Variants in DOCK2 observed in about 807,000 individuals in gnomAD.
DOCK2 encodes the protein dedicator of cytokinesis 2.
Under a neutral mutation model 248.9 loss-of-function variants are expected in DOCK2, and 87 were observed. The ratio of observed to expected loss-of-function variants is 0.35; its 90% CI spans 0.29 to 0.42. The LOEUF is 0.42. Ranked by LOEUF, DOCK2 falls within the 10% of genes least tolerant of loss-of-function variation. The probability of loss-of-function intolerance (pLI) is 1.00; values close to 1 mark genes in which losing one functional copy is unlikely to be tolerated. For synonymous variants in DOCK2, 805 were observed against 821.6 expected (o/e 0.98, Z 0.35); for missense variants, 1,747 against 2,300.2 (o/e 0.76, Z 4.92).
At chr5:169,699,157 A>G (rs1387375782) in intron 11 of DOCK2, among the ~76,000 whole-genome samples, 1 of 152,216 alleles carries the variant, frequency 6.6e-6, no homozygotes, top group Non-Finnish European at 1.5e-5. Context: ...CCTGGAGAAT[A>G]AGAAATGGCC....
intron 26 of DOCK2, among the ~76,000 whole-genome samples, chr5:169,815,339 C>T (rs937061663): frequency 4.6e-5 from 7 of 152,350 alleles, no homozygotes; most frequent in African/African-American, 1.4e-4. Context: ...TCTGTTCCAT[C>T]AGCATCAGCT....
At chr5:170,054,874 C>A (rs1029324952) in intron 41 of DOCK2, among the ~76,000 whole-genome samples, 2 of 152,126 alleles carry the variant, frequency 1.3e-5, no homozygotes, top group East Asian at 1.9e-4. Flanking sequence ...AGTTGTGTGA[C>A]CTTCAACAAG....
At chr5:169,734,768 G>T (rs1017673651) in intron 22 of DOCK2, among the ~76,000 whole-genome samples, 21 of 152,070 alleles carry the variant, frequency 1.4e-4, no homozygotes, top group African/African-American at 4.3e-4. Context: ...CCTCTATTTT[G>T]AAGAAGATGC....
intron 33 of DOCK2, 72 bp downstream of exon 33, chr5:170,019,180 A>G (rs1755638350): frequency 3.1e-6 from 5 of 1,603,786 alleles, no homozygotes; most frequent in Non-Finnish European, 8.5e-7. Context: ...TGATATCCTC[A>G]TTCCATCTCC....
intron 32 of DOCK2, among the ~76,000 whole-genome samples, chr5:170,012,417 G>A (rs1755334624): frequency 6.6e-6 from 1 of 152,192 alleles, no homozygotes; most frequent in Non-Finnish European, 1.5e-5. Flanking sequence ...AAGGCCAGAA[G>A]CAATCAGGGC....
chr5:170,082,725 T>G (rs1420639426), intron 51 of DOCK2, 71 bp from the exon 52 acceptor site: 5 of 1,583,272 alleles, frequency 3.2e-6, no homozygotes, highest in Non-Finnish European at 4.3e-6. Context: ...TGATTAGGAC[T>G]GGGAAGCTCC....
intron 25 of DOCK2, among the ~76,000 whole-genome samples, chr5:169,793,555 G>T (rs1373014276): frequency 6.6e-6 from 1 of 152,140 alleles, no homozygotes; most frequent in Non-Finnish European, 1.5e-5. Context: ...CTGGTAGACA[G>T]TCAGGGTGCA....
At chr5:170,044,916 C>T (rs899373891) in intron 38 of DOCK2, among the ~76,000 whole-genome samples, 1 of 152,080 alleles carries the variant, frequency 6.6e-6, no homozygotes, top group African/African-American at 2.4e-5. Flanking sequence ...GCCTCCGGTC[C>T]ACCCTGCATC....
chr5:169,850,152 T>C (rs1310510580), intron 27 of DOCK2, among the ~76,000 whole-genome samples: 5 of 152,164 alleles, frequency 3.3e-5, no homozygotes, highest in Non-Finnish European at 7.4e-5. Flanking sequence ...CAGTTCACAT[T>C]TATGGACCGT....
chr5:170,071,808 C>T (rs1002211743), intron 46 of DOCK2, among the ~76,000 whole-genome samples: 10 of 152,196 alleles, frequency 6.6e-5, no homozygotes, highest in African/African-American at 2.4e-4. Flanking sequence ...CATTCTTAAA[C>T]ACTATAGTTT....
At chr5:170,033,289 C>T (rs1756208569) in intron 34 of DOCK2, among the ~76,000 whole-genome samples, 1 of 152,154 alleles carries the variant, frequency 6.6e-6, no homozygotes, top group Non-Finnish European at 1.5e-5. Flanking sequence ...CACACAATGC[C>T]TAGCAACTAA....
chr5:169,841,547 C>A, intron 27 of DOCK2: 1 of 762,024 alleles, frequency 1.3e-6, no homozygotes, highest in Non-Finnish European at 1.6e-6. Flanking sequence ...GGTTGTCCAT[C>A]TCACTCAGAA....
At chr5:169,926,413 C>T (rs1374664618) in intron 27 of DOCK2, among the ~76,000 whole-genome samples, 1 of 152,178 alleles carries the variant, frequency 6.6e-6, no homozygotes, top group African/African-American at 2.4e-5. Flanking sequence ...TTACTGTTAA[C>T]AAATAGGCCC....
At chr5:169,781,814 G>T (rs1464771534) in intron 25 of DOCK2, among the ~76,000 whole-genome samples, 1 of 152,172 alleles carries the variant, frequency 6.6e-6, no homozygotes, top group Non-Finnish European at 1.5e-5. Context: ...CAGCAGTCAG[G>T]ACATTGCCCC....
At chr5:169,699,959 G>T in intron 12 of DOCK2, 55 bp from the exon 13 acceptor site, 1 of 1,605,538 alleles carries the variant, frequency 6.2e-7, no homozygotes, top group South Asian at 1.1e-5. Flanking sequence ...CGGGAGGGCC[G>T]ACTGAGGGGT....
intron 23 of DOCK2, among the ~76,000 whole-genome samples, chr5:169,749,612 G>A (rs1246656408): frequency 6.6e-6 from 1 of 152,132 alleles, no homozygotes; most frequent in Admixed American, 6.5e-5. Flanking sequence ...CTTCCTCCAG[G>A]CACCATTGCT....
intron 26 of DOCK2, among the ~76,000 whole-genome samples, chr5:169,806,318 A>ATT (rs149365292): frequency 1.3e-5 from 2 of 149,912 alleles, no homozygotes; most frequent in African/African-American, 4.9e-5. Context: ...TAGTTAATTA[A>ATT]TTAATTAATT....
rs1768862272 is a variant in DOCK2, at chr5:169,826,418, C to G, written c.2704-14339C>G. 1.3e-5 allele frequency among the ~76,000 whole-genome samples: 2 copies of G among 152,056 alleles called. 1 individual carries two copies. Among genetic ancestry groups the G allele is most frequent in the South Asian group, 4.2e-4 (2 of 4,818 alleles). On this transcript the variant is annotated intron_variant, in intron 26 of 51. Coordinates refer to ENST00000520908, the MANE Select transcript of DOCK2 (RefSeq NM_004946.3). ...CTCTCATCTCTGGTGGCTCTCATCT[C>G]TGGGGGGGACGAGCTGACCAAGACT...
chr5:169,795,206 A>C (rs1766572389), intron 25 of DOCK2, among the ~76,000 whole-genome samples: 1 of 151,926 alleles, frequency 6.6e-6, no homozygotes, highest in Non-Finnish European at 1.5e-5. Flanking sequence ...CTTGGTTTGG[A>C]CTTTCGATGG....
Sources: gnomAD v4.1 joint callset for allele counts (sites outside exome capture counted in the v4.1 genomes callset) on GRCh38, gnomAD v4.1.1 for gene constraint, MANE v1.5 for transcripts, NCBI Gene and HGNC (gene_info 2026-07-23, HGNC 2026-07-21) for gene names.